LDLRAD4: variants seen among roughly 807,000 people sequenced by gnomAD.
LDLRAD4 encodes low density lipoprotein receptor class A domain containing 4.
A neutral mutation model predicts 17.0 loss-of-function variants in LDLRAD4; 5 were observed. The ratio of observed to expected loss-of-function variants is 0.29; its 90% confidence interval spans 0.15 to 0.62. The LOEUF is 0.62. Among genes scored for constraint, LDLRAD4 ranks in the 20% least tolerant of loss-of-function variants. The pLI, the probability that LDLRAD4 is intolerant of heterozygous loss-of-function variation, is 0.84. For missense variants in LDLRAD4, 340 were observed against 424.7 expected, an observed-to-expected ratio of 0.80 and a Z score of 1.75; for synonymous variants, 168 against 171.8, an observed-to-expected ratio of 0.98 and a Z score of 0.17.
intron 3 of LDLRAD4, among the ~76,000 whole-genome samples, chr18:13,505,005 A>G (rs1178899229): frequency 6.6e-6 from 1 of 152,146 alleles, no homozygotes; most frequent in Non-Finnish European, 1.5e-5. Context: ...GAGGATGGGG[A>G]CGGGGATGGG....
chr18:13,599,587 T>A (rs990031832), intron 3 of LDLRAD4, among the ~76,000 whole-genome samples: 3 of 151,032 alleles, frequency 2.0e-5, no homozygotes, highest in Admixed American at 1.3e-4. Flanking sequence ...ACCTCCTGGG[T>A]TCACGCCATT....
exon 6 of LDLRAD4, chr18:13,647,295 T>C (rs1601911841): frequency 6.6e-6 from 1 of 152,212 alleles, no homozygotes; most frequent in African/African-American, 2.4e-5. Flanking sequence ...CTTCTGCAGA[T>C]GTAAGCACTG....
At chr18:13,569,682 G>C (rs111682686) in intron 3 of LDLRAD4, among the ~76,000 whole-genome samples, 1 of 152,094 alleles carries the variant, frequency 6.6e-6, no homozygotes, top group Admixed American at 6.5e-5. Flanking sequence ...TCAGGAGTTC[G>C]AGACCAGACT....
At chr18:13,612,569 C>A in intron 3 of LDLRAD4, 1 of 1,466,476 alleles carries the variant, frequency 6.8e-7, no homozygotes, top group Non-Finnish European at 9.0e-7. Flanking sequence ...CACGCTCACA[C>A]ACTCTCCCAC....
chr18:13,375,870 ATG>A (rs2084868728), intron 1 of LDLRAD4, among the ~76,000 whole-genome samples: 1 of 152,066 alleles, frequency 6.6e-6, no homozygotes. Context: ...CCACCGGCGT[ATG>A]TGTGTTTCCC....
chr18:13,438,422 G>A (rs1023373949), intron 3 of LDLRAD4, 38 bp downstream of exon 4: 11 of 1,597,276 alleles, frequency 6.9e-6, no homozygotes, highest in Non-Finnish European at 7.7e-6. Flanking sequence ...ACTGTCTGAT[G>A]TGGTTCTGAA....
chr18:13,277,872 A>G (rs115254971), upstream of LDLRAD4, among the ~76,000 whole-genome samples: 5,107 of 152,284 alleles, frequency 0.034, 285 homozygotes, highest in African/African-American at 0.12. Context: ...TGCCCCTGTG[A>G]CTGAGTGGAG....
intron 1 of LDLRAD4, among the ~76,000 whole-genome samples, chr18:13,291,089 G>A (rs2045935894): frequency 6.6e-6 from 1 of 152,200 alleles, no homozygotes; most frequent in South Asian, 2.1e-4. Context: ...TACCAAGTCT[G>A]GATGGAGTTT....
intron 2 of LDLRAD4, among the ~76,000 whole-genome samples, chr18:13,401,956 A>C (rs1017558960): frequency 2.6e-5 from 4 of 152,094 alleles, no homozygotes; most frequent in African/African-American, 9.7e-5. Context: ...ACAGTTTCCA[A>C]CGGTGGTTCC....
chr18:13,331,160 G>T (rs1464848495), intron 1 of LDLRAD4, among the ~76,000 whole-genome samples: 4 of 152,232 alleles, frequency 2.6e-5, no homozygotes, highest in African/African-American at 9.6e-5. Context: ...TAGCTTGTCA[G>T]CCAGAAGGAC....
chr18:13,483,418 C>T (rs2093142380), intron 3 of LDLRAD4, among the ~76,000 whole-genome samples: 1 of 152,182 alleles, frequency 6.6e-6, no homozygotes, highest in Non-Finnish European at 1.5e-5. Context: ...TGTGCTGCCC[C>T]TGCCTGGACA....
intron 3 of LDLRAD4, among the ~76,000 whole-genome samples, chr18:13,498,397 G>A (rs1326070615): frequency 2.6e-5 from 3 of 113,442 alleles, no homozygotes; most frequent in East Asian, 3.0e-4. Flanking sequence ...CCCCACATAC[G>A]TCCCCAGCCA....
chr18:13,564,903 C>T (rs1183232714), intron 3 of LDLRAD4: 1 of 152,240 alleles, frequency 6.6e-6, no homozygotes, highest in Admixed American at 6.5e-5. Context: ...ATACCTCCTG[C>T]CTCCCCAAAG....
intron 3 of LDLRAD4, among the ~76,000 whole-genome samples, chr18:13,620,071 C>T (rs1302269193): frequency 1.3e-5 from 2 of 152,076 alleles, no homozygotes; most frequent in African/African-American, 4.8e-5. Context: ...CCCTCGGTTC[C>T]CAGGGTGTGG....
At chr18:13,568,902 C>T (rs77746818) in intron 3 of LDLRAD4, among the ~76,000 whole-genome samples, 4,144 of 152,260 alleles carry the variant, frequency 0.027, 114 homozygotes, top group Non-Finnish European at 0.039. Flanking sequence ...TTGAAGGGCT[C>T]AGGGAAAGAC....
intron 3 of LDLRAD4, chr18:13,612,024 A>T: frequency 1.0e-6 from 1 of 985,456 alleles, no homozygotes; most frequent in Non-Finnish European, 1.2e-6. Context: ...GAAGCACGCG[A>T]GCCTAACGTG....
intron 1 of LDLRAD4, among the ~76,000 whole-genome samples, chr18:13,288,332 C>G (rs1338558033): frequency 6.6e-6 from 1 of 152,148 alleles, no homozygotes; most frequent in Non-Finnish European, 1.5e-5. Flanking sequence ...AAGGTCTCTT[C>G]CCTATCTGTT....
intron 1 of LDLRAD4, among the ~76,000 whole-genome samples, chr18:13,291,930 G>A (rs1378150527): frequency 6.6e-6 from 1 of 152,112 alleles, no homozygotes; most frequent in Admixed American, 6.6e-5. Context: ...TGACTGCTTG[G>A]TTACTTTTTG....
At chr18:13,463,813 A>G (rs540789193) in intron 3 of LDLRAD4, among the ~76,000 whole-genome samples, 1 of 152,348 alleles carries the variant, frequency 6.6e-6, no homozygotes, top group African/African-American at 2.4e-5. Flanking sequence ...ACTGCAGAAT[A>G]AGAGAAAAGG....
Sources: allele counts gnomAD v4.1 joint callset (sites outside exome capture counted in the v4.1 genomes callset), GRCh38; gene constraint gnomAD v4.1.1; transcripts MANE v1.5; gene names NCBI Gene and HGNC (gene_info 2026-07-23, HGNC 2026-07-21).